PPL: variants seen among roughly 807,000 people sequenced by gnomAD.
PPL encodes the protein periplakin.
A neutral mutation model predicts 194.4 loss-of-function variants in PPL; 198 were observed. The observed-to-expected ratio is 1.02, with a 90% CI of 0.91 to 1.15. The LOEUF (loss-of-function observed/expected upper bound fraction) is 1.15. Among genes scored for constraint, PPL ranks in the 50% most tolerant of loss-of-function variants. The pLI is 0.00. For missense variants in PPL, 2,885 were observed against 2,294.8 expected (o/e 1.26, Z -5.25); for synonymous variants, 1,220 against 972.4 (o/e 1.25, Z -4.74).
rs1567991224 is a variant in PPL at position 4,888,179 on chromosome 16, CGAG to C, written c.2434_2436del (p.Leu812del). On this transcript the variant is annotated inframe_deletion, in exon 20 of 22. Transcript: ENST00000345988. ...TGGCTTCTCCTTCCATTCTCCAAGT[CGAG>C]AAGAGACCTTAGTTTTTCTGCTTCT... The C allele has an allele frequency of 1.2e-6, 2 of 1,613,646 alleles. No individual in the cohort carries two copies. Among genetic ancestry groups the C allele is most frequent in the Admixed American group, 3.3e-5 (2 of 60,014 alleles).
intron 3 of PPL, among the ~76,000 whole-genome samples, chr16:4,903,660 C>A (rs190107647): frequency 6.6e-6 from 1 of 151,700 alleles, no homozygotes; most frequent in Admixed American, 6.6e-5. Flanking sequence ...GCAGAGATTG[C>A]GCTGAGCCAA....
intron 1 of PPL, among the ~76,000 whole-genome samples, chr16:4,927,421 G>T (rs932604885): frequency 1.3e-5 from 2 of 152,204 alleles, no homozygotes; most frequent in African/African-American, 4.8e-5. Flanking sequence ...ACTGGTCTTG[G>T]AAAGGGCTCT....
chr16:4,885,582 C>G lies in PPL; in HGVS notation c.3073G>C (p.Gly1025Arg), dbSNP rs141974789. 37 of 1,611,816 alleles carry G rather than the reference C, an allele frequency of 2.3e-5. No homozygotes were observed. The African/African-American group carries it at 4.7e-4, about 20-fold the overall frequency. Residue 1025 changes from glycine (G) to arginine (R), a missense_variant, in exon 22 of 22, where the codon GGC becomes CGC. Coordinates refer to ENST00000345988, the MANE Select transcript of PPL (RefSeq NM_002705.5). The surrounding 1 kb of genome is among the most constrained non-coding windows in gnomAD (Gnocchi z 6.3). The part of the protein sequence containing the change: ...EELEALRRQK[G>R]AREAEVLLLQ... ...AGGAGCACCTCTGCCTCCCGGGCGC[C>G]CTTCTGCCGCCTCAGTGCCTCCAGC...
At chr16:4,895,804 G>A (rs897119001) in intron 9 of PPL, 88 bp from the exon 10 acceptor site, 18 of 1,577,514 alleles carry the variant, frequency 1.1e-5, no homozygotes, top group South Asian at 5.6e-5. Context: ...TCCCTCAGGC[G>A]GGGCTGGGCC....
intron 8 of PPL, 130 bp downstream of exon 8, chr16:4,898,883 G>A (rs1314356773): frequency 5.7e-6 from 4 of 700,928 alleles, no homozygotes; most frequent in Non-Finnish European, 7.4e-6. Context: ...GCAAGAAAGA[G>A]ACAGACAGAC....
intron 8 of PPL, 140 bp from the exon 9 acceptor site, chr16:4,897,910 G>C: frequency 1.5e-6 from 1 of 646,150 alleles, no homozygotes; most frequent in Non-Finnish European, 2.7e-6. Flanking sequence ...CACAGGGGTA[G>C]CCAGCTTCTG....
chr16:4,894,100 G>A (rs2088372755), intron 12 of PPL, among the ~76,000 whole-genome samples: 2 of 152,178 alleles, frequency 1.3e-5, no homozygotes, highest in South Asian at 2.1e-4. Context: ...AGCGGTGCGT[G>A]CAGTGGAAGA....
chr16:4,884,536 C>G lies in PPL; in HGVS notation c.4119G>C (p.Glu1373Asp). The change falls in exon 22 of 22, where the codon GAG (glutamate) becomes GAC (aspartate). Residue 1373 changes from glutamate (E) to aspartate (D), a missense_variant. Glu to Asp is a conservative substitution (Grantham distance 45). Coordinates refer to ENST00000345988, the MANE Select transcript of PPL (RefSeq NM_002705.5). This position sits in a 1 kb window ranked among gnomAD's most constrained non-coding sequence, Gnocchi z 5.7. ...GLRAEASAFAESIDVELRQID... is the reference protein window; with the variant it reads ...GLRAEASAFADSIDVELRQID... ...TCTGCCGCAGCTCCACATCGATGCT[C>G]TCGGCAAAGGCGCTCGCCTCGGCCC... 1 of 1,612,702 alleles carries G rather than the reference C, an allele frequency of 6.2e-7. No individual in the cohort carries two copies. Among genetic ancestry groups the G allele is most frequent in the South Asian group, 1.1e-5 (1 of 91,034 alleles).
intron 1 of PPL, among the ~76,000 whole-genome samples, chr16:4,935,675 C>A (rs1029224049): frequency 1.3e-5 from 2 of 152,176 alleles, no homozygotes; most frequent in African/African-American, 4.8e-5. Context: ...AGGGGGGTTT[C>A]TGAAAGGGCT....
rs184320446 is a variant in PPL at position 4,925,767 on chromosome 16, C to T, written c.62+11217G>A. Among the ~76,000 whole-genome samples, 14 of 152,202 alleles carry T rather than the reference C, an allele frequency of 9.2e-5. No homozygotes were observed. In the East Asian group the frequency reaches 1.3e-3, roughly 15 times the overall value. ...GTGCCAAGATTCGAACCCATGAAGA[C>T]GGGCTTCAAAAAGCCACCTTCTCAG... is the stretch of plus-strand genomic sequence containing the variant. On this transcript the variant is annotated intron_variant, in intron 1 of 21. Coordinates refer to ENST00000345988, the MANE Select transcript of PPL (RefSeq NM_002705.5).
chr16:4,903,625 C>A (rs1176429702), intron 3 of PPL, among the ~76,000 whole-genome samples: 1 of 151,674 alleles, frequency 6.6e-6, no homozygotes, highest in Non-Finnish European at 1.5e-5. Flanking sequence ...GAGGCTGAGG[C>A]ATGAGAATAG....
intron 4 of PPL, among the ~76,000 whole-genome samples, chr16:4,901,590 G>A (rs1365627958): frequency 6.6e-6 from 1 of 152,134 alleles, no homozygotes; most frequent in African/African-American, 2.4e-5. Flanking sequence ...TTGAGAGGCT[G>A]AGGTGGGAGG....
chr16:4,897,378 C>G (rs1254079152), intron 9 of PPL, among the ~76,000 whole-genome samples: 1 of 146,142 alleles, frequency 6.8e-6, no homozygotes, highest in South Asian at 2.2e-4. Flanking sequence ...TTTTATGTAT[C>G]TGCATGTATA....
In PPL at chr16:4,889,255, T is replaced by TGG. The variant is rs1567992955; in HGVS notation, c.2314-195_2314-194insCC. 1.0e-3 allele frequency among the ~76,000 whole-genome samples: 123 copies of TGG among 123,306 alleles called. 9 individuals carry two copies. The highest frequency in any genetic ancestry group is 3.6e-3 in the African/African-American group (114 of 31,644). The allele number at this position is 123,306 out of a possible 152,430, so 80.9% of individuals were successfully genotyped here. ...TTGTTGTTGTTGTTTTTTTTTTTTTTTTTTTTTTTTTTTTTTTTTGAGACA... is the reference window on the plus strand; with the variant it reads ...TTGTTGTTGTTGTTTTTTTTTTTTTTGGTTTTTTTTTTTTTTTTTTTGAGACA... On this transcript the variant is annotated intron_variant, in intron 18 of 21. Coordinates refer to ENST00000345988, the MANE Select transcript of PPL (RefSeq NM_002705.5).
At chr16:4,914,472 A>C (rs766752398) in intron 1 of PPL, among the ~76,000 whole-genome samples, 1 of 152,192 alleles carries the variant, frequency 6.6e-6, no homozygotes, top group Non-Finnish European at 1.5e-5. Flanking sequence ...CTGGGGATCC[A>C]TCCGTCTAGG....
rs1041490512 is a variant in PPL at position 4,894,633 on chromosome 16, C to G, written c.1243-15G>C. ...GAGATCAGGCCCTGGCGGGGGCAGG[C>G]TGGACAGTCAGGATCCCGGCAGGGC... On this transcript the variant is annotated splice_polypyrimidine_tract_variant and intron_variant, in intron 11 of 21. Transcript: ENST00000345988. The G allele has an allele frequency of 5.0e-6, 8 of 1,610,386 alleles. No individual in the cohort carries two copies. Among genetic ancestry groups the G allele is most frequent in the African/African-American group, 1.3e-5 (1 of 74,904 alleles).
Position 4,902,606 on chromosome 16 carries a change from G to A in PPL, c.318-80C>T, listed in dbSNP as rs375471581. ...AGGAGGGGCCCCCCACCCAGACCCCGGCCTCAGTGTCCTGGAAGGACACAG... is the reference window on the plus strand; with the variant it reads ...AGGAGGGGCCCCCCACCCAGACCCCAGCCTCAGTGTCCTGGAAGGACACAG... On this transcript the variant is annotated intron_variant, in intron 3 of 21. Coordinates refer to ENST00000345988, the MANE Select transcript of PPL (RefSeq NM_002705.5). The surrounding 1 kb of genome is among the most constrained non-coding windows in gnomAD (Gnocchi z 4.0). 61 of 1,522,366 alleles carry A rather than the reference G, an allele frequency of 4.0e-5. No individual in the cohort carries two copies. Among genetic ancestry groups the A allele is most frequent in the East Asian group, 1.6e-4 (7 of 43,112 alleles). 94.3% of individuals were successfully genotyped at this position (1,522,366 alleles called of 1,614,324 possible). A position where few individuals can be genotyped will look rare whatever the true frequency, so the allele number is the denominator to read the frequency against.
At chr16:4,915,518 T>C (rs1241804476) in intron 1 of PPL, among the ~76,000 whole-genome samples, 1 of 152,124 alleles carries the variant, frequency 6.6e-6, no homozygotes, top group East Asian at 1.9e-4. Context: ...TGTGCCCCTT[T>C]GAAGAAGGGG....
chr16:4,915,717 A>ACT lies in PPL; in HGVS notation c.63-4770_63-4769dup, dbSNP rs539543698. ...ACCATCGTAATATGAGCTAATACTT[A>ACT]CTCTCTACGTGCCAGGCTCCTCACT... is the stretch of plus-strand genomic sequence containing the variant. On this transcript the variant is annotated intron_variant, in intron 1 of 21. Transcript: ENST00000345988. Among the ~76,000 whole-genome samples the ACT allele has an allele frequency of 3.0e-4, 45 of 152,122 alleles. No individual in the cohort carries two copies. The East Asian group carries it at 8.5e-3, about 29-fold the overall frequency.
Sources: gnomAD v4.1 joint callset for allele counts (sites outside exome capture counted in the v4.1 genomes callset) on GRCh38, gnomAD v4.1.1 for gene constraint, Gnocchi (gnomAD v3.1) non-coding constraint, MANE v1.5 for transcripts, NCBI Gene and HGNC (gene_info 2026-07-23, HGNC 2026-07-21) for gene names.